DDX19B: variants seen among roughly 807,000 people sequenced by gnomAD.
DDX19B encodes the protein ATP-dependent RNA helicase DDX19B.
DDX19B carries 27 observed loss-of-function variants against 58.1 expected under a neutral mutation model. The observed-to-expected ratio is 0.46, with a 90% CI of 0.34 to 0.64. The LOEUF (loss-of-function observed/expected upper bound fraction) is 0.64. Among genes scored for constraint, DDX19B ranks in the 30% least tolerant of loss-of-function variants. DDX19B has a pLI of 0.01. For missense variants in DDX19B, 399 were observed against 596.5 expected, an observed-to-expected ratio of 0.67 and a Z score of 3.45; for synonymous variants, 187 against 214.4, an observed-to-expected ratio of 0.87 and a Z score of 1.12.
chr16:70,320,552 AT>A (rs61587002), intron 5 of DDX19B, among the ~76,000 whole-genome samples: 10,617 of 141,390 alleles, frequency 0.075, 1,222 homozygotes, highest in African/African-American at 0.25. Context: ...TTTTTATACA[AT>A]TTTTTTTTTT....
At chr16:70,292,068 T>C (rs1190199795), upstream of DDX19B, among the ~76,000 whole-genome samples, 2 of 151,930 alleles carry the variant, frequency 1.3e-5, no homozygotes, top group East Asian at 1.9e-4. Flanking sequence ...GGAGAATCAC[T>C]TGGAGCCCAG....
At chr16:70,315,002 A>G (rs1962297908) in intron 3 of DDX19B, 47 bp downstream of exon 3, 1 of 1,584,794 alleles carries the variant, frequency 6.3e-7, no homozygotes, top group Admixed American at 1.7e-5. Flanking sequence ...TCTACATTCT[A>G]AGAAAGTGGA....
At chr16:70,295,071 G>T, upstream of DDX19B, 1 of 1,280,460 alleles carries the variant, frequency 7.8e-7, no homozygotes, top group Non-Finnish European at 9.9e-7. Context: ...TGTGAGGTGG[G>T]TACTTCCTGT....
rs997289869 is a variant in DDX19B at position 70,314,718 on chromosome 16, A to C, written c.107-184A>C. 1.7e-5 allele frequency: 9 copies of C among 539,176 alleles called. No individual in the cohort carries two copies. The Admixed American group carries it at 2.1e-4, about 12-fold the overall frequency. The allele number at this position is 539,176 out of a possible 1,614,324, so 33.4% of individuals were successfully genotyped here. A position where few individuals can be genotyped will look rare whatever the true frequency, so the allele number is the denominator to read the frequency against. The stretch of plus-strand genomic sequence containing the variant: ...TATCTATATATATATATATGTGAGC[A>C]ACAGTGTTTTACACCTTTGTTTATT... On this transcript the variant is annotated intron_variant, in intron 2 of 11. Transcript: ENST00000288071.
upstream of DDX19B, among the ~76,000 whole-genome samples, chr16:70,296,661 T>C (rs1961236860): frequency 6.6e-6 from 1 of 152,140 alleles, no homozygotes; most frequent in Non-Finnish European, 1.5e-5. Context: ...TGCTTCTGAA[T>C]TGATGAGATG....
At chr16:70,296,168 T>G (rs1362468081), upstream of DDX19B, among the ~76,000 whole-genome samples, 1 of 151,988 alleles carries the variant, frequency 6.6e-6, no homozygotes, top group Non-Finnish European at 1.5e-5. Context: ...CATGCTCAGC[T>G]GATTTTTGTA....
chr16:70,309,615 C>G (rs1961973622), intron 1 of DDX19B, among the ~76,000 whole-genome samples: 1 of 150,932 alleles, frequency 6.6e-6, no homozygotes, highest in Non-Finnish European at 1.5e-5. Flanking sequence ...GTCGAGAGTT[C>G]GAGACCAGCC....
At chr16:70,331,574 T>C in intron 9 of DDX19B, 148 bp from the exon 10 acceptor site, 2 of 1,064,870 alleles carry the variant, frequency 1.9e-6, no homozygotes, top group East Asian at 2.6e-5. Flanking sequence ...TGTACTACCA[T>C]GCTTCATTGA....
At chr16:70,305,532 T>C (rs1415159361) in intron 1 of DDX19B, among the ~76,000 whole-genome samples, 1 of 152,142 alleles carries the variant, frequency 6.6e-6, no homozygotes, top group African/African-American at 2.4e-5. Context: ...TTTTATTAAA[T>C]ATATTATGTA....
upstream of DDX19B, among the ~76,000 whole-genome samples, chr16:70,291,625 C>T (rs1024681570): frequency 6.6e-6 from 1 of 151,920 alleles, no homozygotes; most frequent in Non-Finnish European, 1.5e-5. Context: ...CTGGCTAACA[C>T]GACGAAACCC....
intron 5 of DDX19B, among the ~76,000 whole-genome samples, chr16:70,320,554 T>C (rs1353070618): frequency 7.7e-6 from 1 of 130,036 alleles, no homozygotes; most frequent in African/African-American, 4.3e-5. Context: ...TTTATACAAT[T>C]TTTTTTTTTT....
rs149689175 is a variant in DDX19B at position 70,331,339 on chromosome 16, A to G, written c.1024-383A>G. Among the ~76,000 whole-genome samples the G allele has an allele frequency of 3.4e-4, 52 of 152,318 alleles. 1 individual carries two copies. Among genetic ancestry groups the G allele is most frequent in the Non-Finnish European group, 6.6e-4 (45 of 68,040 alleles). On this transcript the variant is annotated intron_variant, in intron 9 of 11. Transcript: ENST00000288071. ...TAAGACTACAGGCACGAGCCACCAT[A>G]TCTGGCAAGAACATAGACTATTTAG... is the stretch of plus-strand genomic sequence containing the variant.
intron 7 of DDX19B, among the ~76,000 whole-genome samples, chr16:70,326,206 GCTCACGCCTGT>G (rs1374536551): frequency 6.6e-6 from 1 of 152,218 alleles, no homozygotes; most frequent in Non-Finnish European, 1.5e-5. Flanking sequence ...GGGCGCGGTG[GCTCACGCCTGT>G]AATCCCAGCC....
chr16:70,330,402 C>T (rs1963423448), intron 9 of DDX19B, among the ~76,000 whole-genome samples: 1 of 152,098 alleles, frequency 6.6e-6, no homozygotes, highest in Non-Finnish European at 1.5e-5. Flanking sequence ...GCCTGGCCAA[C>T]ATGGTGAAAC....
chr16:70,326,245 G>A (rs1010880490), intron 7 of DDX19B, among the ~76,000 whole-genome samples: 1 of 152,118 alleles, frequency 6.6e-6, no homozygotes, highest in African/African-American at 2.4e-5. Flanking sequence ...AGGCCGAGGC[G>A]GGCAGCAGAT....
rs566066316 is a variant in DDX19B at position 70,330,024 on chromosome 16, C to G, written c.979C>G (p.Leu327Val). ...RDEKFQALCN[L>V]YGAITIAQAM... ...CGAGAAGTTCCAGGCCTTGTGTAAC[C>G]TCTACGGGGCCATCACCATTGCTCA... The change falls in exon 9 of 12, where the codon CTC becomes GTC. Residue 327 changes from leucine to valine, a missense_variant. Physicochemically the swap from Leu to Val is conservative, Grantham distance 32. Transcript: ENST00000288071. The G allele has an allele frequency of 1.8e-5, 29 of 1,614,026 alleles. 1 individual carries two copies. In the South Asian group the frequency reaches 3.2e-4, roughly 18 times the overall value.
At chr16:70,294,106 G>C (rs1452247328), upstream of DDX19B, among the ~76,000 whole-genome samples, 1 of 122,718 alleles carries the variant, frequency 8.1e-6, no homozygotes, top group Non-Finnish European at 1.6e-5. Context: ...TTTTGAGACG[G>C]AGTCTCACTC....
rs931095988 is a variant in DDX19B, at chr16:70,333,366, G to A, written c.1379-155G>A. ...AACAGCTCCCCTGTGACTGGGCTTC[G>A]GGGCGTGGGGCTCTGACTGTTGCTG... On this transcript the variant is annotated intron_variant, in intron 11 of 11. Transcript: ENST00000288071. 8.5e-5 allele frequency among the ~76,000 whole-genome samples: 13 copies of A among 152,304 alleles called. No individual in the cohort carries two copies. In the East Asian group the frequency reaches 2.5e-3, roughly 29 times the overall value.
chr16:70,294,885 C>A (rs1263610375), upstream of DDX19B: 2 of 1,526,166 alleles, frequency 1.3e-6, no homozygotes, highest in South Asian at 2.4e-5. Flanking sequence ...TCGCGCCCTG[C>A]GGCGGTTTCC....
Sources: gnomAD v4.1 joint callset for allele counts (sites outside exome capture counted in the v4.1 genomes callset) on GRCh38, gnomAD v4.1.1 for gene constraint, MANE v1.5 for transcripts, NCBI Gene and HGNC (gene_info 2026-07-23, HGNC 2026-07-21) for gene names.